NMT2: variants seen among roughly 807,000 people sequenced by gnomAD.
NMT2 encodes N-myristoyltransferase 2, also known as glycylpeptide N-tetradecanoyltransferase 2.
A neutral mutation model predicts 65.4 loss-of-function variants in NMT2; 35 were observed. The observed-to-expected ratio is 0.54, with a 90% confidence interval of 0.41 to 0.71. The LOEUF (loss-of-function observed/expected upper bound fraction) is 0.71, where lower values mean the gene tolerates loss of function less well. NMT2 is among the 30% of genes least tolerant of loss of function. NMT2 has a pLI of 0.00. For synonymous variants in NMT2, 226 were observed against 231.8 expected, an observed-to-expected ratio of 0.98 and a Z score of 0.23; for missense variants, 489 against 611.3, an observed-to-expected ratio of 0.80 and a Z score of 2.11.
At chr10:15,167,118 G>A (rs1287383903) in intron 1 of NMT2, among the ~76,000 whole-genome samples, 1 of 151,962 alleles carries the variant, frequency 6.6e-6, no homozygotes, top group Non-Finnish European at 1.5e-5. Flanking sequence ...TCACAAACAC[G>A]TTTCTATCCC....
chr10:15,129,680 T>C (rs1846206632), intron 7 of NMT2, among the ~76,000 whole-genome samples: 1 of 151,904 alleles, frequency 6.6e-6, no homozygotes, highest in Non-Finnish European at 1.5e-5. Context: ...GACTTAGAAG[T>C]ATAGATCCAC....
At chr10:15,162,005 C>A (rs929762524) in intron 1 of NMT2, among the ~76,000 whole-genome samples, 10 of 152,128 alleles carry the variant, frequency 6.6e-5, no homozygotes, top group Non-Finnish European at 1.3e-4. Flanking sequence ...GTAGTCCCAA[C>A]ACTTTGGGAG....
intron 8 of NMT2, among the ~76,000 whole-genome samples, chr10:15,125,817 C>A (rs987906105): frequency 6.6e-6 from 1 of 152,094 alleles, no homozygotes; most frequent in African/African-American, 2.4e-5. Flanking sequence ...CAGCCATGTG[C>A]CACCATCCAC....
chr10:15,107,625 T>C lies in NMT2; in HGVS notation c.*1570A>G. On this transcript the variant is annotated 3_prime_UTR_variant, in exon 12 of 12. Transcript: ENST00000378165. Reference sequence around the variant, plus strand: ...CGCCACCACACCCAGCTAGTTCTTTTTGAATTTTTAGTAGAGATGGGGTTT... The same window carrying C: ...CGCCACCACACCCAGCTAGTTCTTTCTGAATTTTTAGTAGAGATGGGGTTT... The C allele has an allele frequency of 2.1e-6, 1 of 472,264 alleles. No homozygotes were observed. The highest frequency in any genetic ancestry group is 2.8e-6 in the Non-Finnish European group (1 of 361,518). 29.3% of individuals were successfully genotyped at this position (472,264 alleles called of 1,614,324 possible).
chr10:15,127,900 A>T (rs939080115), intron 8 of NMT2, among the ~76,000 whole-genome samples: 10 of 111,448 alleles, frequency 9.0e-5, no homozygotes, highest in African/African-American at 4.6e-4. Flanking sequence ...ACTGTCTCCA[A>T]AAAAAAAAAA....
chr10:15,108,502 G>C lies in NMT2; in HGVS notation c.*693C>G. ...GCCCGGCCTCAGGCTCTTTCAGAGAGCACAGTGAGTGCTTGCACAAAACTC... is the reference window on the plus strand; with the variant it reads ...GCCCGGCCTCAGGCTCTTTCAGAGACCACAGTGAGTGCTTGCACAAAACTC... On this transcript the variant is annotated 3_prime_UTR_variant, in exon 12 of 12. Coordinates refer to ENST00000378165, the MANE Select transcript of NMT2 (RefSeq NM_004808.3). 1.0e-6 allele frequency: 1 copy of C among 985,694 alleles called. No individual in the cohort carries two copies. Among genetic ancestry groups the C allele is most frequent in the South Asian group, 4.7e-5 (1 of 21,302 alleles). The allele number at this position is 985,694 out of a possible 1,614,324, so 61.1% of individuals were successfully genotyped here.
intron 8 of NMT2, among the ~76,000 whole-genome samples, chr10:15,127,826 C>T (rs1031661293): frequency 1.3e-5 from 2 of 151,528 alleles, no homozygotes; most frequent in African/African-American, 4.8e-5. Flanking sequence ...TCGCTTGAAC[C>T]CGGGAGGCAG....
At chr10:15,141,357 A>C in intron 2 of NMT2, 65 bp downstream of exon 2, 1 of 1,592,108 alleles carries the variant, frequency 6.3e-7, no homozygotes, top group South Asian at 1.1e-5. Context: ...GCAGCGCGCT[A>C]AACTGCGTAA....
chr10:15,120,836 G>A (rs772860399), intron 8 of NMT2, among the ~76,000 whole-genome samples: 1 of 152,126 alleles, frequency 6.6e-6, no homozygotes, highest in African/African-American at 2.4e-5. Flanking sequence ...CTTGTCTAAC[G>A]GCAAATGGCT....
At chr10:15,112,723 A>T (rs946390076) in intron 10 of NMT2, 73 bp downstream of exon 10, 21 of 1,383,942 alleles carry the variant, frequency 1.5e-5, no homozygotes, top group Middle Eastern at 2.2e-4. Context: ...AAGAAAACAC[A>T]GTAAGATGTC....
rs148766759 is a variant in NMT2 at position 15,139,250 on chromosome 10, CTCTATCTATCTATCTA to C, written c.246+2156_246+2171del. ...GTGAATTAATACTTAATAAACTCCC[CTCTATCTATCTATCTA>C]TCTATCTATCTATCTATCTATCTAT... On this transcript the variant is annotated intron_variant, in intron 2 of 11. Coordinates refer to ENST00000378165, the MANE Select transcript of NMT2 (RefSeq NM_004808.3). 5.7e-3 allele frequency among the ~76,000 whole-genome samples: 832 copies of C among 146,894 alleles called. 7 individuals carry two copies. The highest frequency in any genetic ancestry group is 0.02 in the African/African-American group (780 of 39,794).
At chr10:15,113,057 C>T (rs878950169) in intron 9 of NMT2, 94 bp from the exon 10 acceptor site, 21 of 1,290,742 alleles carry the variant, frequency 1.6e-5, no homozygotes, top group South Asian at 7.3e-5. Context: ...CCCCAGAGAA[C>T]GAAAAGCAGT....
At chr10:15,136,265 G>T (rs1416930762) in intron 2 of NMT2, among the ~76,000 whole-genome samples, 1 of 147,738 alleles carries the variant, frequency 6.8e-6, no homozygotes, top group African/African-American at 2.5e-5. Context: ...GAAGGGAAAG[G>T]GAAGGGAAGG....
intron 9 of NMT2, among the ~76,000 whole-genome samples, chr10:15,114,442 A>AAAAAC (rs921435232): frequency 1.4e-4 from 21 of 152,310 alleles, no homozygotes; most frequent in Admixed American, 2.6e-4. Context: ...AAGACTGATA[A>AAAAAC]AAAACAAAAC....
At chr10:15,161,106 A>AAAAAAAAAAAAAAC in intron 1 of NMT2, among the ~76,000 whole-genome samples, 1 of 150,034 alleles carries the variant, frequency 6.7e-6, no homozygotes, top group Non-Finnish European at 1.5e-5. Flanking sequence ...AAAAAAAAAA[A>AAAAAAAAAAAAAAC]AAAACACAAA....
chr10:15,153,851 C>T (rs1832893873), intron 1 of NMT2, among the ~76,000 whole-genome samples: 1 of 151,908 alleles, frequency 6.6e-6, no homozygotes, highest in Admixed American at 6.6e-5. Flanking sequence ...GACGGGGTTT[C>T]ACTGTGTTAG....
At position 15,124,818 on chromosome 10, in the gene NMT2, C is replaced by G. The variant is rs914010777; in HGVS notation, c.999+3532G>C. Among the ~76,000 whole-genome samples the G allele has an allele frequency of 3.3e-5, 5 of 152,182 alleles. 1 individual carries two copies. In the South Asian group the frequency reaches 1.0e-3, roughly 32 times the overall value. Reference sequence around the variant, plus strand: ...TTTCATAATATCTGTACTTTAATCTCTCTTTTATTCTATTAATTTACTCTT... The same window carrying G: ...TTTCATAATATCTGTACTTTAATCTGTCTTTTATTCTATTAATTTACTCTT... On this transcript the variant is annotated intron_variant, in intron 8 of 11. Transcript: ENST00000378165.
chr10:15,117,773 C>T (rs942543904), intron 9 of NMT2, among the ~76,000 whole-genome samples: 1 of 152,186 alleles, frequency 6.6e-6, no homozygotes, highest in Admixed American at 6.5e-5. Flanking sequence ...AAAAACACAA[C>T]ACCATTATAA....
intron 7 of NMT2, among the ~76,000 whole-genome samples, chr10:15,129,843 G>T (rs942948740): frequency 1.9e-4 from 28 of 144,946 alleles, no homozygotes; most frequent in African/African-American, 7.3e-4. Context: ...CAGGAGGCGA[G>T]TTTGCGGTGA....
Sources: allele counts gnomAD v4.1 joint callset (sites outside exome capture counted in the v4.1 genomes callset), GRCh38; gene constraint gnomAD v4.1.1; transcripts MANE v1.5; gene names NCBI Gene and HGNC (gene_info 2026-07-23, HGNC 2026-07-21).